The following ZNF385D variants were observed in gnomAD, a reference collection of about 807,000 sequenced individuals.
The protein encoded by ZNF385D is zinc finger protein 385D.
Under a neutral mutation model 35.8 loss-of-function variants are expected in ZNF385D, and 15 were observed. The ratio of observed to expected loss-of-function variants is 0.42; its 90% CI spans 0.28 to 0.64. The LOEUF (loss-of-function observed/expected upper bound fraction) is 0.64. ZNF385D is among the 30% of genes least tolerant of loss of function. The pLI is 0.23. For synonymous variants in ZNF385D, 212 were observed against 186.8 expected, an observed-to-expected ratio of 1.13 and a Z score of -1.10; for missense variants, 474 against 494.6, an observed-to-expected ratio of 0.96 and a Z score of 0.39.
chr3:21,515,946 A>G (rs2125484634), intron 3 of ZNF385D, among the ~76,000 whole-genome samples: 1 of 152,300 alleles, frequency 6.6e-6, no homozygotes, highest in African/African-American at 2.4e-5. Context: ...CTATTGTAGA[A>G]CCTAAAGTTG....
chr3:21,872,239 T>C (rs912304446), intron 3 of ZNF385D, among the ~76,000 whole-genome samples: 7 of 152,150 alleles, frequency 4.6e-5, no homozygotes, highest in Admixed American at 2.0e-4. Context: ...TGGCGACAAC[T>C]GCCTTTAGCA....
intron 2 of ZNF385D, among the ~76,000 whole-genome samples, chr3:22,205,449 G>A (rs1483474866): frequency 1.3e-5 from 2 of 151,856 alleles, no homozygotes; most frequent in African/African-American, 4.8e-5. Context: ...AAAACTTGCT[G>A]GTAATAGTAA....
intron 3 of ZNF385D, among the ~76,000 whole-genome samples, chr3:21,941,177 C>A (rs1475745039): frequency 6.6e-6 from 1 of 152,060 alleles, no homozygotes; most frequent in African/African-American, 2.4e-5. Context: ...TCCCAGGAAA[C>A]AAAATATTTG....
intron 3 of ZNF385D, among the ~76,000 whole-genome samples, chr3:21,938,932 G>A (rs976600471): frequency 7.2e-5 from 11 of 152,152 alleles, no homozygotes; most frequent in Non-Finnish European, 1.2e-4. Flanking sequence ...AAGCTCATGA[G>A]GTAGTCACTG....
At chr3:22,247,615 T>TTTTA (rs71266432) in intron 2 of ZNF385D, among the ~76,000 whole-genome samples, 8,695 of 148,240 alleles carry the variant, frequency 0.059, 630 homozygotes, top group African/African-American at 0.17. Context: ...CATTTTACAA[T>TTTTA]TTTATTTATT....
chr3:21,646,541 TACTA>T lies in ZNF385D; in HGVS notation c.165+18341_165+18344del, dbSNP rs772266387. Among the ~76,000 whole-genome samples, 2 of 152,152 alleles carry T rather than the reference TACTA, an allele frequency of 1.3e-5. No homozygotes were observed. Among genetic ancestry groups the T allele is most frequent in the African/African-American group, 2.4e-5 (1 of 41,434 alleles). ...TAGTAACTGAAACTAATTCAGCAAA[TACTA>T]ACTGAGTGTCTATTGTGTATTGACC... On this transcript the variant is annotated intron_variant, in intron 2 of 7. Coordinates refer to ENST00000281523, the MANE Select transcript of ZNF385D (RefSeq NM_024697.3). This position sits in a 1 kb window ranked among gnomAD's most constrained non-coding sequence, Gnocchi z 4.3.
chr3:21,421,826 T>C (rs561115997), intron 7 of ZNF385D, among the ~76,000 whole-genome samples: 7 of 152,228 alleles, frequency 4.6e-5, no homozygotes, highest in Non-Finnish European at 1.0e-4. Context: ...AAGGGATTTT[T>C]AATGCTGTCA....
At chr3:22,371,242 A>C (rs1316152946) in intron 2 of ZNF385D, among the ~76,000 whole-genome samples, 1 of 152,186 alleles carries the variant, frequency 6.6e-6, no homozygotes, top group Non-Finnish European at 1.5e-5. Flanking sequence ...AGGTTTTAGA[A>C]AACATCGTGA....
At chr3:21,935,528 T>C (rs1701216516) in intron 3 of ZNF385D, among the ~76,000 whole-genome samples, 1 of 152,184 alleles carries the variant, frequency 6.6e-6, no homozygotes, top group East Asian at 1.9e-4. Flanking sequence ...TGCTGGTTCT[T>C]TCAATCCTGC....
At chr3:21,458,818 G>A (rs1380933154) in intron 4 of ZNF385D, among the ~76,000 whole-genome samples, 3 of 142,818 alleles carry the variant, frequency 2.1e-5, no homozygotes, top group Admixed American at 1.4e-4. Context: ...GCGGGGTGGG[G>A]GGGCGGGACT....
At chr3:22,096,787 T>C (rs1210741454) in intron 3 of ZNF385D, among the ~76,000 whole-genome samples, 2 of 152,062 alleles carry the variant, frequency 1.3e-5, no homozygotes, top group Non-Finnish European at 2.9e-5. Flanking sequence ...AGTATTGATA[T>C]CTGCGGAGTT....
intron 3 of ZNF385D, among the ~76,000 whole-genome samples, chr3:21,913,970 C>G (rs1203013776): frequency 6.6e-6 from 1 of 152,078 alleles, no homozygotes; most frequent in Non-Finnish European, 1.5e-5. Context: ...GCCTTTCATG[C>G]AGGGTGCACA....
At position 21,490,324 on chromosome 3, in the gene ZNF385D, T is replaced by G. The variant is rs185938179; in HGVS notation, c.439+20537A>C. On this transcript the variant is annotated intron_variant, in intron 4 of 7. Coordinates refer to ENST00000281523, the MANE Select transcript of ZNF385D (RefSeq NM_024697.3). ...GGGGCAACAGGTGTGTGTCACCACGTCTGGCTCTTCTTTTGCTCTTGCTGT... is the reference window on the plus strand; with the variant it reads ...GGGGCAACAGGTGTGTGTCACCACGGCTGGCTCTTCTTTTGCTCTTGCTGT... Among the ~76,000 whole-genome samples the G allele has an allele frequency of 1.6e-3, 241 of 152,202 alleles. 1 individual carries two copies. The highest frequency in any genetic ancestry group is 5.6e-3 in the African/African-American group (231 of 41,554).
intron 3 of ZNF385D, among the ~76,000 whole-genome samples, chr3:21,796,020 C>G (rs941000520): frequency 6.6e-6 from 1 of 152,188 alleles, no homozygotes; most frequent in Non-Finnish European, 1.5e-5. Flanking sequence ...TGTGGCAATA[C>G]TATCATAGCA....
At chr3:21,896,821 T>C (rs1191885151) in intron 3 of ZNF385D, among the ~76,000 whole-genome samples, 1 of 36,802 alleles carries the variant, frequency 2.7e-5, no homozygotes, top group Middle Eastern at 0.021. Flanking sequence ...TTCTTAATAC[T>C]TTTTTTTTTT....
At chr3:22,059,080 G>A (rs1036837483) in intron 3 of ZNF385D, among the ~76,000 whole-genome samples, 1 of 152,202 alleles carries the variant, frequency 6.6e-6, no homozygotes, top group Non-Finnish European at 1.5e-5. Context: ...AAGCAGCTGG[G>A]CAATCACTGG....
At chr3:21,594,375 A>G (rs1402080787) in intron 2 of ZNF385D, among the ~76,000 whole-genome samples, 1 of 152,152 alleles carries the variant, frequency 6.6e-6, no homozygotes, top group East Asian at 1.9e-4. Context: ...GCACCGTGCA[A>G]GTAGTTTTTT....
At chr3:21,775,030 T>C (rs2071229520) in intron 3 of ZNF385D, among the ~76,000 whole-genome samples, 1 of 151,814 alleles carries the variant, frequency 6.6e-6, no homozygotes, top group Non-Finnish European at 1.5e-5. Flanking sequence ...ATCAATTTCA[T>C]GGTATAAGTA....
chr3:21,483,141 C>A (rs962931588), intron 4 of ZNF385D, among the ~76,000 whole-genome samples: 2 of 151,994 alleles, frequency 1.3e-5, no homozygotes, highest in Non-Finnish European at 2.9e-5. Context: ...TTTGTACTAC[C>A]CCATTAAAGT....
Sources: allele counts gnomAD v4.1 joint callset (sites outside exome capture counted in the v4.1 genomes callset), GRCh38; gene constraint gnomAD v4.1.1; non-coding constraint Gnocchi (gnomAD v3.1); transcripts MANE v1.5; gene names NCBI Gene and HGNC (gene_info 2026-07-23, HGNC 2026-07-21).